ZNF83: variants seen among roughly 807,000 people sequenced by gnomAD.
ZNF83 encodes the protein zinc finger protein 83.
For synonymous variants in ZNF83, 209 were observed against 213.0 expected (o/e 0.98, Z 0.17); for missense variants, 552 against 629.9 (o/e 0.88, Z 1.32).
rs200247745 is a variant in ZNF83 at position 52,613,004 on chromosome 19, C to G, written c.*10G>C. The G allele has an allele frequency of 1.9e-5, 30 of 1,570,836 alleles. No individual in the cohort carries two copies. In the African/African-American group the frequency reaches 3.5e-4, roughly 18 times the overall value. ...ACAAGGCTTTAATGCTAACTGAACACTCTGCCACATTAATTACATGTGTTA... is the reference window on the plus strand; with the variant it reads ...ACAAGGCTTTAATGCTAACTGAACAGTCTGCCACATTAATTACATGTGTTA... On this transcript the variant is annotated 3_prime_UTR_variant, in exon 3 of 3. Coordinates refer to ENST00000301096, the Ensembl canonical transcript of ZNF83.
intron 1 of ZNF83, among the ~76,000 whole-genome samples, chr19:52,689,510 C>T (rs1411110163): frequency 2.0e-5 from 3 of 152,144 alleles, no homozygotes; most frequent in Non-Finnish European, 4.4e-5. Context: ...ATCCCTCCTC[C>T]TCTCCCTCAC....
chr19:52,675,311 G>A (rs2061784224), intron 1 of ZNF83, among the ~76,000 whole-genome samples: 1 of 152,212 alleles, frequency 6.6e-6, no homozygotes, highest in Admixed American at 6.5e-5. Flanking sequence ...TAGGCCTGAA[G>A]GATCCCACGA....
chr19:52,618,819 C>G (rs938198396), intron 2 of ZNF83: 1 of 1,441,416 alleles, frequency 6.9e-7, no homozygotes, highest in Non-Finnish European at 9.4e-7. Context: ...CTTTTCATTT[C>G]AAAATCAATA....
Position 52,635,308 on chromosome 19 carries a change from C to T in ZNF83, c.-321-155G>A, listed in dbSNP as rs541135925. ...CGATAAACTCCTACAGGAAAACTCC[C>T]GCACCCTTCTGGAGAAGCCCACACC... On this transcript the variant is annotated intron_variant, in intron 1 of 2. Transcript: ENST00000301096. The T allele has an allele frequency of 7.9e-4, 333 of 421,460 alleles. 6 individuals are homozygous for T. The South Asian group carries it at 0.019, about 24-fold the overall frequency. 26.1% of individuals were successfully genotyped at this position (421,460 alleles called of 1,614,324 possible).
At chr19:52,619,220 T>C (rs1238681641) in intron 2 of ZNF83, among the ~76,000 whole-genome samples, 5 of 152,192 alleles carry the variant, frequency 3.3e-5, no homozygotes, top group East Asian at 3.8e-4. Flanking sequence ...CCAGTGGTGT[T>C]TGATTATACT....
chr19:52,617,728 CAAAAAAAAAAA>C lies in ZNF83; in HGVS notation c.-233-2942_-233-2932del, dbSNP rs60669262. The C allele has an allele frequency of 4.0e-3, 471 of 118,954 alleles. 3 individuals carry two copies. The highest frequency in any genetic ancestry group is 0.012 in the African/African-American group (384 of 32,758). The allele number at this position is 118,954 out of a possible 1,614,324, so 7.4% of individuals were successfully genotyped here. A position where few individuals can be genotyped will look rare whatever the true frequency, so the allele number is the denominator to read the frequency against. ...CCTGGGCAACAGAGTGAGATTGTCT[CAAAAAAAAAAA>C]AAAAAAAAAAAAAAAAATTCCCACC... On this transcript the variant is annotated intron_variant, in intron 2 of 2. Transcript: ENST00000301096.
At chr19:52,643,312 A>C (rs938086182), upstream of ZNF83, among the ~76,000 whole-genome samples, 3 of 151,284 alleles carry the variant, frequency 2.0e-5, no homozygotes, top group African/African-American at 4.9e-5. Flanking sequence ...CAAGAAACAG[A>C]GACTGCACTC....
At chr19:52,687,332 A>G in intron 1 of ZNF83, among the ~76,000 whole-genome samples, 1 of 131,368 alleles carries the variant, frequency 7.6e-6, no homozygotes, top group African/African-American at 3.1e-5. Flanking sequence ...AATTATATAT[A>G]TAGATATATA....
intron 2 of ZNF83, among the ~76,000 whole-genome samples, chr19:52,632,101 C>T (rs1006582424): frequency 4.1e-5 from 6 of 147,590 alleles, no homozygotes; most frequent in African/African-American, 7.4e-5. Flanking sequence ...CTGAGAAGGC[C>T]ACTGCAGTCA....
At position 52,647,296 on chromosome 19, in the gene ZNF83, T is replaced by C. The variant is rs150827935; in HGVS notation, c.-74+8265A>G. On this transcript the variant is annotated intron_variant, in intron 3 of 5. Transcript: ENST00000594682. ...CTTATAGATAGGCATTTTAAAATTC[T>C]CAGTTTCATCTGTATAATTTAAATA... 2.6e-3 allele frequency among the ~76,000 whole-genome samples: 399 copies of C among 152,308 alleles called. 4 individuals are homozygous for C. Among genetic ancestry groups the C allele is most frequent in the Non-Finnish European group, 4.6e-3 (314 of 68,030 alleles).
At chr19:52,628,691 T>C (rs2060834383) in intron 2 of ZNF83, among the ~76,000 whole-genome samples, 1 of 151,816 alleles carries the variant, frequency 6.6e-6, no homozygotes, top group Non-Finnish European at 1.5e-5. Flanking sequence ...CCCAACACCT[T>C]CTCTCTGTGT....
At position 52,658,021 on chromosome 19, in the gene ZNF83, G is replaced by A. The variant is rs184409214; in HGVS notation, c.-200-2334C>T. ...TATGGTGATGCATGCCTGTAATCCC[G>A]GCTATTCAAAAGGCTAAGGCAGGAG... On this transcript the variant is annotated intron_variant, in intron 2 of 5. Transcript: ENST00000594682. Among the ~76,000 whole-genome samples the A allele has an allele frequency of 1.5e-3, 228 of 151,032 alleles. 1 individual carries two copies. Among genetic ancestry groups the A allele is most frequent in the Non-Finnish European group, 2.6e-3 (178 of 67,744 alleles).
chr19:52,670,761 A>T (rs992255988), intron 1 of ZNF83, among the ~76,000 whole-genome samples: 2 of 152,210 alleles, frequency 1.3e-5, no homozygotes, highest in Admixed American at 6.5e-5. Flanking sequence ...CATTTAAAAG[A>T]TGCATTAATT....
chr19:52,614,502 CG>C, exon 3 of ZNF83: 1 of 1,606,862 alleles, frequency 6.2e-7, no homozygotes, highest in Non-Finnish European at 8.5e-7. Flanking sequence ...GATGTGACTG[CG>C]GGTTTAATCC....
chr19:52,672,544 T>C (rs2061740519), intron 1 of ZNF83, among the ~76,000 whole-genome samples: 1 of 152,218 alleles, frequency 6.6e-6, no homozygotes, highest in Non-Finnish European at 1.5e-5. Context: ...GCCCAACAGT[T>C]GGAGTCCAGC....
chr19:52,689,783 A>G (rs1489225959), intron 1 of ZNF83, among the ~76,000 whole-genome samples: 1 of 151,748 alleles, frequency 6.6e-6, no homozygotes, highest in African/African-American at 2.4e-5. Flanking sequence ...TGGCCCACAC[A>G]ATCACAGGAG....
intron 1 of ZNF83, among the ~76,000 whole-genome samples, chr19:52,677,136 GAAAAA>G (rs71183825): frequency 7.0e-6 from 1 of 143,626 alleles, no homozygotes; most frequent in Non-Finnish European, 1.5e-5. Context: ...AAAAAAAAAA[GAAAAA>G]AAGAAAAAAA....
chr19:52,674,822 T>C (rs541285086), intron 1 of ZNF83, among the ~76,000 whole-genome samples: 84 of 152,206 alleles, frequency 5.5e-4, no homozygotes, highest in Non-Finnish European at 1.2e-3. Context: ...TAAATGATTA[T>C]ACAACCCAAG....
At chr19:52,641,704 G>A (rs1157327862), upstream of ZNF83, among the ~76,000 whole-genome samples, 1 of 151,712 alleles carries the variant, frequency 6.6e-6, no homozygotes, top group Non-Finnish European at 1.5e-5. Context: ...TTTTTTCTGT[G>A]TTCATGAGCT....
Sources: allele counts gnomAD v4.1 joint callset (sites outside exome capture counted in the v4.1 genomes callset), GRCh38; gene constraint gnomAD v4.1.1; transcripts MANE v1.5; gene names NCBI Gene and HGNC (gene_info 2026-07-23, HGNC 2026-07-21).